FTO: variants seen among roughly 807,000 people sequenced by gnomAD.
The protein encoded by FTO is FTO alpha-ketoglutarate dependent dioxygenase.
FTO carries 47 observed loss-of-function variants against 63.9 expected under a neutral mutation model. The ratio of observed to expected loss-of-function variants is 0.74; its 90% CI spans 0.58 to 0.94. The LOEUF (loss-of-function observed/expected upper bound fraction) is 0.94. FTO is among the 40% of genes least tolerant of loss of function. The probability of loss-of-function intolerance (pLI) is 0.00; values close to 1 mark genes in which losing one functional copy is unlikely to be tolerated. For missense variants in FTO, 562 were observed against 618.1 expected (o/e 0.91, Z 0.96); for synonymous variants, 207 against 224.4 (o/e 0.92, Z 0.69).
intron 1 of FTO, among the ~76,000 whole-genome samples, chr16:53,761,720 C>A (rs961850327): frequency 1.3e-5 from 2 of 150,438 alleles, no homozygotes; most frequent in Admixed American, 6.6e-5. Flanking sequence ...TGTTTTGGGT[C>A]TTAATCTAAG....
intron 8 of FTO, among the ~76,000 whole-genome samples, chr16:53,953,852 G>T (rs749781472): frequency 6.6e-6 from 1 of 152,184 alleles, no homozygotes; most frequent in African/African-American, 2.4e-5. Flanking sequence ...AAAATTATAG[G>T]TACAGTGTCC....
At chr16:53,997,501 A>G (rs1465892970) in intron 8 of FTO, among the ~76,000 whole-genome samples, 1 of 145,594 alleles carries the variant, frequency 6.9e-6, no homozygotes, top group African/African-American at 2.5e-5. Flanking sequence ...TGGCAGAAAT[A>G]ATGGCTAAGT....
chr16:53,866,388 C>T (rs576347734), intron 4 of FTO, among the ~76,000 whole-genome samples: 53 of 152,186 alleles, frequency 3.5e-4, no homozygotes, highest in Admixed American at 1.9e-3. Context: ...CAATGCTGGC[C>T]GCAAAGAATG....
intron 1 of FTO, among the ~76,000 whole-genome samples, chr16:53,735,979 AATAT>A (rs1321179390): frequency 6.6e-6 from 1 of 152,140 alleles, no homozygotes; most frequent in Non-Finnish European, 1.5e-5. Context: ...AAATGGAGAT[AATAT>A]ATCACTGTGT....
At chr16:54,029,110 G>A (rs1245322631) in intron 8 of FTO, among the ~76,000 whole-genome samples, 12 of 152,254 alleles carry the variant, frequency 7.9e-5, no homozygotes, top group South Asian at 6.2e-4. Flanking sequence ...CAGAAAGATC[G>A]TACTTTCTCT....
intron 8 of FTO, among the ~76,000 whole-genome samples, chr16:54,081,958 G>A (rs1442650406): frequency 6.6e-6 from 1 of 152,172 alleles, no homozygotes; most frequent in African/African-American, 2.4e-5. Flanking sequence ...TCTGGTGCCA[G>A]GTCATTGGGG....
At chr16:53,763,690 G>A (rs773570568) in intron 1 of FTO, among the ~76,000 whole-genome samples, 2 of 152,224 alleles carry the variant, frequency 1.3e-5, no homozygotes, top group Non-Finnish European at 2.9e-5. Context: ...GGAAACTGTA[G>A]TGAGACTCTC....
intron 7 of FTO, among the ~76,000 whole-genome samples, chr16:53,892,395 A>G (rs1447575118): frequency 2.0e-5 from 3 of 152,148 alleles, no homozygotes; most frequent in Non-Finnish European, 4.4e-5. Flanking sequence ...ATTCCATAGC[A>G]CAGGATATCA....
chr16:54,026,906 A>G (rs958831039), intron 8 of FTO, among the ~76,000 whole-genome samples: 5 of 152,216 alleles, frequency 3.3e-5, no homozygotes, highest in African/African-American at 9.6e-5. Flanking sequence ...CGCACAATCA[A>G]TACAAATCTT....
intron 1 of FTO, among the ~76,000 whole-genome samples, chr16:53,728,238 CTT>C (rs1407723981): frequency 6.6e-6 from 1 of 151,736 alleles, no homozygotes; most frequent in African/African-American, 2.4e-5. Flanking sequence ...GACCCTGTCT[CTT>C]AAAAAAAAAA....
intron 8 of FTO, among the ~76,000 whole-genome samples, chr16:54,094,283 G>C (rs1260850487): frequency 6.6e-6 from 1 of 152,220 alleles, no homozygotes; most frequent in African/African-American, 2.4e-5. Flanking sequence ...GCAAGCCTAA[G>C]GCGGTCTCTT....
chr16:53,782,368 T>C (rs2077609839), intron 1 of FTO, among the ~76,000 whole-genome samples: 1 of 152,176 alleles, frequency 6.6e-6, no homozygotes, highest in Non-Finnish European at 1.5e-5. Flanking sequence ...GCAATCAATA[T>C]CTGAGCCTGT....
At chr16:53,890,110 T>G (rs2081109389) in intron 7 of FTO, among the ~76,000 whole-genome samples, 1 of 152,116 alleles carries the variant, frequency 6.6e-6, no homozygotes, top group Non-Finnish European at 1.5e-5. Context: ...TTCAAACAAT[T>G]GGATTTGGAA....
intron 1 of FTO, among the ~76,000 whole-genome samples, chr16:53,748,919 G>A (rs997758632): frequency 2.6e-5 from 4 of 151,380 alleles, no homozygotes; most frequent in South Asian, 2.1e-4. Context: ...ACATGCCACC[G>A]TGCCCGGCCA....
At chr16:53,878,431 G>T (rs941887067) in intron 5 of FTO, among the ~76,000 whole-genome samples, 5 of 152,106 alleles carry the variant, frequency 3.3e-5, no homozygotes, top group Non-Finnish European at 7.4e-5. Context: ...AGCACTCTGG[G>T]ATCTTCATAT....
At chr16:53,934,300 C>T (rs540706625) in intron 8 of FTO, among the ~76,000 whole-genome samples, 191 bp downstream of exon 8, 23 of 152,296 alleles carry the variant, frequency 1.5e-4, no homozygotes, top group Non-Finnish European at 2.9e-4. Context: ...GATCCATTGA[C>T]GTCATCAGTA....
chr16:53,739,376 T>G (rs2076475013), intron 1 of FTO, among the ~76,000 whole-genome samples: 1 of 150,974 alleles, frequency 6.6e-6, no homozygotes, highest in East Asian at 1.9e-4. Flanking sequence ...TGGCTGTTTT[T>G]TTTTTTTTTT....
chr16:53,840,979 G>T (rs1243338565), intron 3 of FTO, among the ~76,000 whole-genome samples: 1 of 150,696 alleles, frequency 6.6e-6, no homozygotes, highest in Non-Finnish European at 1.5e-5. Context: ...ACACACCTTC[G>T]TGAGTTCTTT....
intron 3 of FTO, among the ~76,000 whole-genome samples, chr16:53,833,573 A>G (rs904493482): frequency 6.6e-5 from 10 of 152,260 alleles, no homozygotes; most frequent in African/African-American, 2.4e-4. Context: ...TTTTTTGTGT[A>G]TATACTTTTG....
Sources: gnomAD v4.1 joint callset for allele counts (sites outside exome capture counted in the v4.1 genomes callset) on GRCh38, gnomAD v4.1.1 for gene constraint, MANE v1.5 for transcripts, NCBI Gene and HGNC (gene_info 2026-07-23, HGNC 2026-07-21) for gene names.